The following NFKBIB variants were observed in gnomAD, a reference collection of about 807,000 sequenced individuals.
NFKBIB encodes NF-kappa-B inhibitor beta.
In NFKBIB, 16 loss-of-function variants were observed where a neutral mutation model predicts 32.1. That is an observed-to-expected ratio of 0.50 (90% CI 0.34 to 0.76). The LOEUF (loss-of-function observed/expected upper bound fraction) is 0.76. Ranked by LOEUF, NFKBIB falls within the 30% of genes least tolerant of loss-of-function variation. The pLI is 0.01. For synonymous variants in NFKBIB, 222 were observed against 219.5 expected (o/e 1.01, Z -0.10); for missense variants, 437 against 514.9 (o/e 0.85, Z 1.46).
upstream of NFKBIB, chr19:38,899,703 A>G (rs1233499825): frequency 3.3e-6 from 3 of 899,434 alleles, no homozygotes; most frequent in African/African-American, 4.9e-5. Context: ...GCGGCCGCAG[A>G]CGCGCTTTCG....
chr19:38,907,253 A>G lies in NFKBIB; in HGVS notation c.652A>G (p.Lys218Glu). Residue 218 changes from lysine (K) to glutamate (E), a missense_variant, in exon 4 of 6, where the codon AAA (lysine) becomes GAA (glutamate). Transcript: ENST00000313582. ...HTPLHVAVIH[K>E]DVEMVRLLRD... ...CCCACTCCACGTGGCCGTTATCCAC[A>G]AAGATGTGGAGATGGTCCGGCTGCT... 6.2e-7 allele frequency: 1 copy of G among 1,613,168 alleles called. No individual in the cohort carries two copies.
Position 38,907,632 on chromosome 19 carries a change from T to A in NFKBIB, c.942T>A (p.Ser314Arg), listed in dbSNP as rs1974181858. The A allele has an allele frequency of 1.9e-6, 3 of 1,609,164 alleles. No homozygotes were observed. In the South Asian group the frequency reaches 3.3e-5, roughly 18 times the overall value. Residue 314 changes from serine to arginine, a missense_variant, in exon 5 of 6, where the codon AGT becomes AGA. By Grantham distance (110) the Ser-to-Arg change is moderately radical. Coordinates refer to ENST00000313582, the MANE Select transcript of NFKBIB (RefSeq NM_002503.5). ...AGAAATCCGGCCCCTGCAGCAGCAG[T>A]AGCGACAGCGACAGCGGAGACGAGG... ...EDEKSGPCSS[S>R]SDSDSGDEGD...
chr19:38,907,375 G>T (rs1974167524), intron 4 of NFKBIB, 24 bp from the exon 5 acceptor site: 3 of 1,591,734 alleles, frequency 1.9e-6, no homozygotes, highest in Non-Finnish European at 2.6e-6. Context: ...CGGGCCCTCT[G>T]ACCTTTCTGT....
chr19:38,907,977 A>C, intron 5 of NFKBIB: 1 of 1,195,462 alleles, frequency 8.4e-7, no homozygotes, highest in Admixed American at 4.1e-5. Flanking sequence ...GGCAGCAAGA[A>C]TTGGAGAACT....
At chr19:38,908,588 T>C in intron 5 of NFKBIB, 143 bp from the exon 6 acceptor site, 1 of 1,356,274 alleles carries the variant, frequency 7.4e-7, no homozygotes, top group Non-Finnish European at 9.4e-7. Flanking sequence ...TTCTGAGAGC[T>C]AGGAAACTGG....
rs750395571 is a variant in NFKBIB, at chr19:38,907,459, C to G, written c.769C>G (p.Leu257Val). Residue 257 changes from leucine to valine, a missense_variant, in exon 5 of 6, where the codon CTG (leucine) becomes GTG (valine). Coordinates refer to ENST00000313582, the MANE Select transcript of NFKBIB (RefSeq NM_002503.5). Reference sequence around the variant, plus strand: ...AGTGGAGGCCCAGGCAGCCGATGTGCTGGAGCTTCTCCTGAGGGCAGGCGC... The same window carrying G: ...AGTGGAGGCCCAGGCAGCCGATGTGGTGGAGCTTCTCCTGAGGGCAGGCGC... ...LAVEAQAADV[L>V]ELLLRAGANP... The G allele has an allele frequency of 6.2e-7, 1 of 1,609,616 alleles. No homozygotes were observed. Among genetic ancestry groups the G allele is most frequent in the African/African-American group, 1.3e-5 (1 of 74,896 alleles).
intron 5 of NFKBIB, chr19:38,908,031 C>T (rs1427457715): frequency 1.0e-5 from 11 of 1,097,418 alleles, no homozygotes; most frequent in South Asian, 3.0e-5. Context: ...ATTTGAACAC[C>T]GGCAGTGCTG....
chr19:38,901,946 A>G (rs1421023252), intron 1 of NFKBIB, among the ~76,000 whole-genome samples: 3 of 151,980 alleles, frequency 2.0e-5, no homozygotes, highest in East Asian at 1.9e-4. Context: ...GATTGTGTAA[A>G]TTTATCCCAT....
intron 1 of NFKBIB, among the ~76,000 whole-genome samples, chr19:38,902,566 G>A (rs143789480): frequency 3.1e-5 from 1 of 32,282 alleles, no homozygotes; most frequent in Non-Finnish European, 7.0e-5. Flanking sequence ...AATATTATAT[G>A]GCTTTTGTAT....
intron 1 of NFKBIB, among the ~76,000 whole-genome samples, chr19:38,900,816 A>C (rs1435566659): frequency 1.3e-5 from 2 of 152,252 alleles, no homozygotes; most frequent in African/African-American, 4.8e-5. Context: ...TTTAGGTGCT[A>C]GTGATAAAGG....
intron 3 of NFKBIB, among the ~76,000 whole-genome samples, chr19:38,906,764 T>C (rs912315468): frequency 6.6e-6 from 1 of 152,122 alleles, no homozygotes; most frequent in African/African-American, 2.4e-5. Flanking sequence ...CCACTGTGCC[T>C]GGCCTTTATT....
chr19:38,900,108 C>G lies in NFKBIB; in HGVS notation c.76C>G (p.Pro26Ala). ...CGACAGCGGCCTGGGCTCCCTGGGT[C>G]CGGACGCAGCGGCCCCCGGAGGACC... Reference protein sequence around the residue: ...WCDSGLGSLGPDAAAPGGPGL... With the variant: ...WCDSGLGSLGADAAAPGGPGL... The change falls in exon 1 of 6, where the codon CCG (proline) becomes GCG (alanine). Residue 26 changes from proline to alanine, a missense_variant. Coordinates refer to ENST00000313582, the MANE Select transcript of NFKBIB (RefSeq NM_002503.5). The G allele has an allele frequency of 6.4e-7, 1 of 1,572,908 alleles. No homozygotes were observed. Among genetic ancestry groups the G allele is most frequent in the Non-Finnish European group, 8.6e-7 (1 of 1,164,318 alleles).
intron 5 of NFKBIB, 82 bp downstream of exon 5, chr19:38,907,741 G>A: frequency 6.8e-7 from 1 of 1,475,794 alleles, no homozygotes; most frequent in Non-Finnish European, 9.0e-7. Context: ...AGATAATTAG[G>A]CACCGACCTT....
At position 38,905,544 on chromosome 19, in the gene NFKBIB, CGTCACCAGGG is replaced by C. The variant is rs756077132; in HGVS notation, c.619+10_619+19del. 34 of 1,589,590 alleles carry C rather than the reference CGTCACCAGGG, an allele frequency of 2.1e-5. No individual in the cohort carries two copies. Among genetic ancestry groups the C allele is most frequent in the Non-Finnish European group, 2.9e-5 (34 of 1,167,442 alleles). Reference sequence around the variant, plus strand: ...GGCTGAAAACTACGAGGGTGAGGGTCGTCACCAGGGAAGGACTCAGCTCCTGGGCTAGGCG... The same window carrying C: ...GGCTGAAAACTACGAGGGTGAGGGTCAAGGACTCAGCTCCTGGGCTAGGCG... On this transcript the variant is annotated intron_variant, in intron 3 of 5. Transcript: ENST00000313582. The surrounding 1 kb of genome is among the most constrained non-coding windows in gnomAD (Gnocchi z 5.5).
At chr19:38,907,125 C>A in intron 3 of NFKBIB, 96 bp from the exon 4 acceptor site, 1 of 1,122,474 alleles carries the variant, frequency 8.9e-7, no homozygotes, top group Non-Finnish European at 1.3e-6. Flanking sequence ...CAAACCTAAT[C>A]ACCCTCACGC....
intron 1 of NFKBIB, among the ~76,000 whole-genome samples, chr19:38,904,283 C>T (rs548549404): frequency 1.3e-5 from 2 of 152,212 alleles, no homozygotes; most frequent in Admixed American, 1.3e-4. Flanking sequence ...ACCCGATAGC[C>T]TGTGATGATG....
At chr19:38,900,906 C>T (rs932550416) in intron 1 of NFKBIB, among the ~76,000 whole-genome samples, 1 of 151,606 alleles carries the variant, frequency 6.6e-6, no homozygotes, top group Non-Finnish European at 1.5e-5. Flanking sequence ...TTGATAAGAC[C>T]ACAAGGAAGG....
In NFKBIB at chr19:38,899,996, C is replaced by A. The variant is rs1167487301; in HGVS notation, c.-37C>A. The A allele has an allele frequency of 3.5e-6, 5 of 1,440,538 alleles. No homozygotes were observed. The highest frequency in any genetic ancestry group is 1.4e-5 in the African/African-American group (1 of 69,758). The allele number at this position is 1,440,538 out of a possible 1,614,324, so 89.2% of individuals were successfully genotyped here. A position where few individuals can be genotyped will look rare whatever the true frequency, so the allele number is the denominator to read the frequency against. ...ACTCCCGGCAAAGCCCAGCTACAGGCGGGCGACTGCGGGGGGCCCCTGAGG... is the reference window on the plus strand; with the variant it reads ...ACTCCCGGCAAAGCCCAGCTACAGGAGGGCGACTGCGGGGGGCCCCTGAGG... On this transcript the variant is annotated 5_prime_UTR_variant, in exon 1 of 6. Transcript: ENST00000313582.
At position 38,904,941 on chromosome 19, in the gene NFKBIB, C is replaced by T. The variant is rs138675980; in HGVS notation, c.180-74C>T. On this transcript the variant is annotated intron_variant, in intron 1 of 5. Coordinates refer to ENST00000313582, the MANE Select transcript of NFKBIB (RefSeq NM_002503.5). ...GTCACAAGGCCTAGCATACAGTAGG[C>T]GCCCCATGTTTGTTCAATGAAGGAA... 114 of 1,399,420 alleles carry T rather than the reference C, an allele frequency of 8.1e-5. No homozygotes were observed. The African/African-American group carries it at 9.7e-4, about 12-fold the overall frequency. The allele number at this position is 1,399,420 out of a possible 1,614,324, so 86.7% of individuals were successfully genotyped here.
Sources: allele counts gnomAD v4.1 joint callset (sites outside exome capture counted in the v4.1 genomes callset), GRCh38; gene constraint gnomAD v4.1.1; non-coding constraint Gnocchi (gnomAD v3.1); transcripts MANE v1.5; gene names NCBI Gene and HGNC (gene_info 2026-07-23, HGNC 2026-07-21).